Variants in ZNF667 observed in about 807,000 individuals in gnomAD.
ZNF667 encodes the protein myocardial ischemic preconditioning upregulated 1 ortholog.
A neutral mutation model predicts 31.8 loss-of-function variants in ZNF667; 13 were observed. That is an observed-to-expected ratio of 0.41 (90% CI 0.27 to 0.65). The LOEUF (loss-of-function observed/expected upper bound fraction) is 0.65. Ranked by LOEUF, ZNF667 falls within the 30% of genes least tolerant of loss-of-function variation. The probability of loss-of-function intolerance (pLI) is 0.32; values close to 1 mark genes in which losing one functional copy is unlikely to be tolerated. For missense variants in ZNF667, 642 were observed against 725.6 expected (o/e 0.88, Z 1.32); for synonymous variants, 228 against 247.1 (o/e 0.92, Z 0.73).
chr19:56,474,755 G>A (rs1053937267), intron 1 of ZNF667: 6 of 152,234 alleles, frequency 3.9e-5, no homozygotes, highest in Non-Finnish European at 8.8e-5. Flanking sequence ...CTAATAAATA[G>A]TCACAGCTGA....
chr19:56,470,150 G>A (rs745685074), intron 3 of ZNF667: 89 of 411,066 alleles, frequency 2.2e-4, no homozygotes, highest in Middle Eastern at 5.7e-4. Flanking sequence ...AGGGCTGCTG[G>A]AGGATGAGAT....
At chr19:56,471,637 A>C (rs759893177) in intron 3 of ZNF667, 62 bp downstream of exon 3, 1 of 152,224 alleles carries the variant, frequency 6.6e-6, no homozygotes, top group African/African-American at 2.4e-5. Context: ...TCATTTGTGC[A>C]TATTACTTCA....
chr19:56,461,437 C>G (rs920711421), intron 4 of ZNF667, among the ~76,000 whole-genome samples: 2 of 152,190 alleles, frequency 1.3e-5, no homozygotes, highest in African/African-American at 4.8e-5. Flanking sequence ...AAATGAGGGT[C>G]AGGTGGAAAG....
chr19:56,465,616 A>G (rs2043142629), intron 3 of ZNF667, among the ~76,000 whole-genome samples: 1 of 152,238 alleles, frequency 6.6e-6, no homozygotes, highest in Non-Finnish European at 1.5e-5. Context: ...AGAGGGAGGA[A>G]TCACTTGCCC....
At chr19:56,446,964 T>C (rs1002945196) in intron 6 of ZNF667, among the ~76,000 whole-genome samples, 1 of 152,114 alleles carries the variant, frequency 6.6e-6, no homozygotes, top group Admixed American at 6.5e-5. Context: ...CATCTCCCCA[T>C]CTTCAATGTG....
chr19:56,477,580 G>A (rs2043443922), upstream of ZNF667: 1 of 152,686 alleles, frequency 6.5e-6, no homozygotes, highest in African/African-American at 2.4e-5. Flanking sequence ...CACCCCCGAG[G>A]CTGGCACGCA....
At chr19:56,454,086 T>C (rs1309037236) in intron 6 of ZNF667, among the ~76,000 whole-genome samples, 1 of 152,130 alleles carries the variant, frequency 6.6e-6, no homozygotes, top group Non-Finnish European at 1.5e-5. Context: ...CCATTTACAA[T>C]AGCTACAAAT....
At chr19:56,458,324 G>T in intron 5 of ZNF667, 77 bp from the exon 6 acceptor site, 1 of 1,267,198 alleles carries the variant, frequency 7.9e-7, no homozygotes, top group Admixed American at 1.7e-5. Context: ...TGCATCAACA[G>T]GAATGCAGGT....
intron 6 of ZNF667, among the ~76,000 whole-genome samples, chr19:56,447,645 G>A (rs2042733685): frequency 6.6e-6 from 1 of 152,054 alleles, no homozygotes; most frequent in Non-Finnish European, 1.5e-5. Flanking sequence ...CACTTTGGGA[G>A]GCCGAGGTGG....
rs1370100729 is a variant in ZNF667 at position 56,441,769 on chromosome 19, G to T, written c.1226C>A (p.Thr409Lys). 1.2e-6 allele frequency: 2 copies of T among 1,613,888 alleles called. No individual in the cohort carries two copies. Residue 409 changes from threonine (T) to lysine (K), a missense_variant, in exon 7 of 7, where the codon ACA becomes AAA. Transcript: ENST00000504904. The surrounding 1 kb of genome is among the most constrained non-coding windows in gnomAD (Gnocchi z 4.2). The part of the protein sequence containing the change: ...SSLIQHQKVH[T>K]KKKKLFECKE... ...ACACTCAAATAGTTTCTTTTTCTTT[G>T]TATGAACTTTCTGATGTTGAATAAG...
At chr19:56,463,885 A>G (rs2043105203) in intron 3 of ZNF667, among the ~76,000 whole-genome samples, 1 of 152,180 alleles carries the variant, frequency 6.6e-6, no homozygotes, top group African/African-American at 2.4e-5. Context: ...TAAAATTTAA[A>G]ATTATTGCTA....
intron 3 of ZNF667, among the ~76,000 whole-genome samples, chr19:56,469,493 G>T (rs1555755395): frequency 6.6e-6 from 1 of 152,140 alleles, no homozygotes; most frequent in Non-Finnish European, 1.5e-5. Context: ...GGAGGGAGTT[G>T]TAAGAATGAA....
upstream of ZNF667, chr19:56,477,648 CG>C (rs896980260): frequency 1.3e-5 from 2 of 152,484 alleles, no homozygotes; most frequent in Non-Finnish European, 2.9e-5. Flanking sequence ...CAGGAGATCA[CG>C]TGTGGACACT....
intron 4 of ZNF667, 32 bp from the exon 5 acceptor site, chr19:56,460,847 T>G: frequency 6.5e-6 from 10 of 1,547,538 alleles, no homozygotes; most frequent in Non-Finnish European, 8.7e-6. Flanking sequence ...CTATTCACCA[T>G]GGACTTGTGC....
chr19:56,454,830 A>G (rs978506054), intron 6 of ZNF667, among the ~76,000 whole-genome samples: 1 of 151,864 alleles, frequency 6.6e-6, no homozygotes, highest in African/African-American at 2.4e-5. Flanking sequence ...TAATAGAATC[A>G]TATCAAGTTA....
rs528451797 is a variant in ZNF667 at position 56,455,193 on chromosome 19, G to C, written c.253+2962C>G. Among the ~76,000 whole-genome samples, 3 of 152,270 alleles carry C rather than the reference G, an allele frequency of 2.0e-5. No homozygotes were observed. In the South Asian group the frequency reaches 6.2e-4, roughly 32 times the overall value. ...CAAAACAAATGCTGGTGAGGATATG[G>C]AGAAAGGGGAACCCTCGTACACTGT... is the stretch of plus-strand genomic sequence containing the variant. On this transcript the variant is annotated intron_variant, in intron 6 of 6. Coordinates refer to ENST00000504904, the MANE Select transcript of ZNF667 (RefSeq NM_001321356.2).
intron 4 of ZNF667, among the ~76,000 whole-genome samples, chr19:56,462,047 C>T (rs2043056293): frequency 6.6e-6 from 1 of 152,254 alleles, no homozygotes; most frequent in African/African-American, 2.4e-5. Flanking sequence ...CCACGGAGGA[C>T]ATTTCTCTTG....
At chr19:56,445,995 G>A (rs1195641954) in intron 6 of ZNF667, among the ~76,000 whole-genome samples, 2 of 151,870 alleles carry the variant, frequency 1.3e-5, no homozygotes, top group Admixed American at 6.6e-5. Flanking sequence ...CTCCAACACT[G>A]AGGATTAAAT....
At chr19:56,473,038 C>T (rs181981770) in intron 2 of ZNF667, 3 of 152,270 alleles carry the variant, frequency 2.0e-5, no homozygotes, top group African/African-American at 7.2e-5. Context: ...CGTTATTTAC[C>T]CCTGTTGTAC....
Sources: gnomAD v4.1 joint callset for allele counts (sites outside exome capture counted in the v4.1 genomes callset) on GRCh38, gnomAD v4.1.1 for gene constraint, Gnocchi (gnomAD v3.1) non-coding constraint, MANE v1.5 for transcripts, NCBI Gene and HGNC (gene_info 2026-07-23, HGNC 2026-07-21) for gene names.